The following MBNL2 variants were observed in gnomAD, a reference collection of about 807,000 sequenced individuals.
MBNL2 encodes muscleblind-like protein 2.
Under a neutral mutation model 41.9 loss-of-function variants are expected in MBNL2, and 17 were observed. That is an observed-to-expected ratio of 0.41 (90% CI 0.28 to 0.61). The LOEUF (loss-of-function observed/expected upper bound fraction) is 0.61. Ranked by LOEUF, MBNL2 falls within the 20% of genes least tolerant of loss-of-function variation. The probability of loss-of-function intolerance (pLI) is 0.35; values close to 1 mark genes in which losing one functional copy is unlikely to be tolerated. For synonymous variants in MBNL2, 195 were observed against 182.9 expected, an observed-to-expected ratio of 1.07 and a Z score of -0.53; for missense variants, 336 against 505.6, an observed-to-expected ratio of 0.66 and a Z score of 3.22.
chr13:97,262,844 A>G (rs1026475353), intron 1 of MBNL2, among the ~76,000 whole-genome samples: 22 of 151,622 alleles, frequency 1.5e-4, no homozygotes, highest in Non-Finnish European at 2.8e-4. Context: ...GCTCACTGCA[A>G]CCTCTGCCTC....
chr13:97,187,593 TAAAAAAAAAAAAAAA>T, the MBNL2 span, among the ~76,000 whole-genome samples: 20 of 51,480 alleles, frequency 3.9e-4, 1 homozygote, highest in Admixed American at 1.2e-3. Flanking sequence ...CTATGCAGCT[TAAAAAAAAAAAAAAA>T]AAAAAAAAAA....
At position 97,347,750 on chromosome 13, in the gene MBNL2, C is replaced by A. The variant is rs143452958; in HGVS notation, c.804+683C>A. 6.2e-3 allele frequency among the ~76,000 whole-genome samples: 951 copies of A among 152,244 alleles called. 7 individuals carry two copies. The highest frequency in any genetic ancestry group is 1.0e-2 in the Non-Finnish European group (679 of 68,018). Reference sequence around the variant, plus strand: ...ACCAGCAGTACATCATCATTATCATCGCCTGGGAGCCTGCTCAGAATCTCG... The same window carrying A: ...ACCAGCAGTACATCATCATTATCATAGCCTGGGAGCCTGCTCAGAATCTCG... On this transcript the variant is annotated intron_variant, in intron 5 of 8. Transcript: ENST00000679496.
chr13:97,362,845 CA>C (rs1222101738), intron 7 of MBNL2: 1 of 152,282 alleles, frequency 6.6e-6, no homozygotes, highest in African/African-American at 2.4e-5. Context: ...GATGGATGAA[CA>C]GATGAATGCA....
the MBNL2 span, among the ~76,000 whole-genome samples, chr13:97,174,916 A>G: frequency 2.6e-5 from 4 of 152,154 alleles, no homozygotes; most frequent in East Asian, 7.7e-4. Context: ...ACTTCAGCTC[A>G]CAGATTACTG....
At chr13:97,200,921 C>T in the MBNL2 span, among the ~76,000 whole-genome samples, 2 of 152,148 alleles carry the variant, frequency 1.3e-5, no homozygotes, top group Non-Finnish European at 2.9e-5. Context: ...TATGCTATGA[C>T]TTATTTCCTT....
At chr13:97,200,558 G>A in the MBNL2 span, among the ~76,000 whole-genome samples, 1 of 151,982 alleles carries the variant, frequency 6.6e-6, no homozygotes, top group Non-Finnish European at 1.5e-5. Flanking sequence ...ATAGTCATTG[G>A]ACAACAAAAA....
intron 1 of MBNL2, among the ~76,000 whole-genome samples, chr13:97,232,149 A>G (rs2042471713): frequency 6.6e-6 from 1 of 152,232 alleles, no homozygotes; most frequent in Admixed American, 6.5e-5. Flanking sequence ...TGAAATGCCC[A>G]GGCCTGATTG....
At chr13:97,283,054 G>T (rs1221738528) in intron 2 of MBNL2, among the ~76,000 whole-genome samples, 1 of 152,198 alleles carries the variant, frequency 6.6e-6, no homozygotes, top group Non-Finnish European at 1.5e-5. Context: ...TCATTTTGCA[G>T]ATTTGGTCAT....
chr13:97,276,767 A>C (rs1851599022), intron 2 of MBNL2, among the ~76,000 whole-genome samples: 1 of 151,490 alleles, frequency 6.6e-6, no homozygotes, highest in Non-Finnish European at 1.5e-5. Flanking sequence ...GTCACTTTTA[A>C]GTGCCAGTTA....
At chr13:97,390,097 A>G (rs929620700) in intron 8 of MBNL2, among the ~76,000 whole-genome samples, 3 of 152,180 alleles carry the variant, frequency 2.0e-5, no homozygotes, top group Admixed American at 2.0e-4. Context: ...GAATCAAAGA[A>G]TGACCTTATC....
In MBNL2 at chr13:97,349,228, CT is replaced by C. The variant is rs1433743486; in HGVS notation, c.804+2168del. ...GGTCAATAAAATAGAGAAATTCTCC[CT>C]TTTTTTCTTCTAGTAAAAGAGTAGT... On this transcript the variant is annotated intron_variant, in intron 5 of 8. Transcript: ENST00000679496. Among the ~76,000 whole-genome samples the C allele has an allele frequency of 8.2e-5, 12 of 146,678 alleles. No individual in the cohort carries two copies. In the East Asian group the frequency reaches 2.3e-3, roughly 28 times the overall value.
intron 1 of MBNL2, among the ~76,000 whole-genome samples, chr13:97,269,862 C>T (rs564939829): frequency 6.6e-6 from 1 of 152,344 alleles, no homozygotes; most frequent in South Asian, 2.1e-4. Context: ...CAGGTCTAAT[C>T]CTGGTCATCA....
chr13:97,207,868 G>T, the MBNL2 span, among the ~76,000 whole-genome samples: 1 of 152,330 alleles, frequency 6.6e-6, no homozygotes, highest in Non-Finnish European at 1.5e-5. Flanking sequence ...TACAGTGGAG[G>T]TACAGGCAGT....
At chr13:97,220,735 G>C (rs1208516257), upstream of MBNL2, among the ~76,000 whole-genome samples, 1 of 152,142 alleles carries the variant, frequency 6.6e-6, no homozygotes, top group Non-Finnish European at 1.5e-5. Context: ...ACCTGGGAGG[G>C]AAAATCAACA....
Position 97,393,757 on chromosome 13 carries a change from TCTGA to T in MBNL2, c.*2311_*2314del, listed in dbSNP as rs1566461183. 1.3e-5 allele frequency: 2 copies of T among 152,640 alleles called. No homozygotes were observed. The highest frequency in any genetic ancestry group is 1.9e-4 in the East Asian group (1 of 5,192). 9.5% of individuals were successfully genotyped at this position (152,640 alleles called of 1,614,324 possible). A position where few individuals can be genotyped will look rare whatever the true frequency, so the allele number is the denominator to read the frequency against. On this transcript the variant is annotated 3_prime_UTR_variant, in exon 9 of 9. Transcript: ENST00000679496. ...CCAAAAGTTTGTTTATATTCAGAAG[TCTGA>T]CTATGATGAATAAATCTTAAATGCT...
At chr13:97,187,708 C>A in the MBNL2 span, among the ~76,000 whole-genome samples, 33 of 150,836 alleles carry the variant, frequency 2.2e-4, no homozygotes, top group African/African-American at 8.0e-4. Context: ...GAGATCGAGA[C>A]CATCCTGGCT....
chr13:97,228,523 TATTA>T (rs2041963267), intron 1 of MBNL2, among the ~76,000 whole-genome samples: 1 of 137,548 alleles, frequency 7.3e-6, no homozygotes, highest in Non-Finnish European at 1.5e-5. Flanking sequence ...TTTTTATATT[TATTA>T]TCTTTTTTTT....
At chr13:97,183,260 G>A in the MBNL2 span, among the ~76,000 whole-genome samples, 1 of 152,078 alleles carries the variant, frequency 6.6e-6, no homozygotes, top group African/African-American at 2.4e-5. Flanking sequence ...TTTAGTCCTT[G>A]TATTATAATA....
intron 2 of MBNL2, among the ~76,000 whole-genome samples, chr13:97,327,694 G>A (rs955301155): frequency 6.6e-6 from 1 of 151,898 alleles, no homozygotes; most frequent in Non-Finnish European, 1.5e-5. Context: ...GATTAGCCCT[G>A]GCAAGTTTCA....
Sources: allele counts gnomAD v4.1 joint callset (sites outside exome capture counted in the v4.1 genomes callset), GRCh38; gene constraint gnomAD v4.1.1; transcripts MANE v1.5; gene names NCBI Gene and HGNC (gene_info 2026-07-23, HGNC 2026-07-21).